Variants in ANKH observed in about 807,000 individuals in gnomAD.
The protein encoded by ANKH is mineralization regulator ANKH.
In ANKH, 15 loss-of-function variants were observed where a neutral mutation model predicts 49.0. The ratio of observed to expected loss-of-function variants is 0.31; its 90% CI spans 0.20 to 0.47. The LOEUF (loss-of-function observed/expected upper bound fraction) is 0.47. Ranked by LOEUF, ANKH falls within the 20% of genes least tolerant of loss-of-function variation. The pLI, the probability that ANKH is intolerant of heterozygous loss-of-function variation, is 1.00. For missense variants in ANKH, 429 were observed against 652.0 expected, an observed-to-expected ratio of 0.66 and a Z score of 3.72; for synonymous variants, 273 against 260.0, an observed-to-expected ratio of 1.05 and a Z score of -0.48.
Position 14,712,865 on chromosome 5 carries a change from C to T in ANKH, c.1365+9G>A, listed in dbSNP as rs771866688. ...ACCCGGGAGGAGGCTCCCGGCGCGG[C>T]TGTCTCACCTGCTTCCGGTAGACAT... On this transcript the variant is annotated intron_variant, in intron 11 of 11. Transcript: ENST00000284268. 1.9e-5 allele frequency: 31 copies of T among 1,601,206 alleles called. No individual in the cohort carries two copies. The highest frequency in any genetic ancestry group is 2.6e-5 in the Non-Finnish European group (30 of 1,174,478).
chr5:14,825,629 A>G (rs1741317179), intron 1 of ANKH, among the ~76,000 whole-genome samples: 2 of 152,170 alleles, frequency 1.3e-5, no homozygotes, highest in Non-Finnish European at 2.9e-5. Context: ...CTGGGATTTA[A>G]GATGTGAGCC....
rs200023808 is a variant in ANKH, at chr5:14,771,946, AAC to A, written c.97-2757_97-2756del. Among the ~76,000 whole-genome samples the A allele has an allele frequency of 1.5e-3, 195 of 127,884 alleles. 5 individuals are homozygous for A. The highest frequency in any genetic ancestry group is 3.4e-3 in the African/African-American group (133 of 38,654). The allele number at this position is 127,884 out of a possible 152,430, so 83.9% of individuals were successfully genotyped here. On this transcript the variant is annotated intron_variant, in intron 1 of 11. Transcript: ENST00000284268. ...GAAAAAAAAAAAAAAAAAAAAAAAA[AAC>A]CAAAACAAAACAAAACAAAAAACCG...
rs769138937 is a variant in ANKH at position 14,739,365 on chromosome 5, C to T, written c.1011+2462G>A. On this transcript the variant is annotated intron_variant, in intron 8 of 11. Coordinates refer to ENST00000284268, the MANE Select transcript of ANKH (RefSeq NM_054027.6). ...CTGGGAAGCAGAGGTTGCAGTGAGC[C>T]GAGATCATGCGCCTGCACTCCAGCC... Among the ~76,000 whole-genome samples, 5 of 151,926 alleles carry T rather than the reference C, an allele frequency of 3.3e-5. No homozygotes were observed. In the East Asian group the frequency reaches 5.8e-4, roughly 18 times the overall value.
intron 8 of ANKH, among the ~76,000 whole-genome samples, chr5:14,733,826 G>A (rs1738081655): frequency 6.6e-6 from 1 of 152,238 alleles, no homozygotes; most frequent in Non-Finnish European, 1.5e-5. Context: ...AAGCCAAGAG[G>A]CCAGAGGCGC....
At chr5:14,854,133 T>C (rs1192142386) in intron 1 of ANKH, among the ~76,000 whole-genome samples, 1 of 152,220 alleles carries the variant, frequency 6.6e-6, no homozygotes, top group Non-Finnish European at 1.5e-5. Context: ...TAATAGAACA[T>C]TTTTATATTT....
chr5:14,798,196 C>T, intron 1 of ANKH: 1 of 1,587,256 alleles, frequency 6.3e-7, no homozygotes, highest in Non-Finnish European at 8.7e-7. Context: ...GTGTGTGTCC[C>T]CAGGACAAGT....
chr5:14,777,847 A>C (rs1015541597), intron 1 of ANKH, among the ~76,000 whole-genome samples: 1 of 152,328 alleles, frequency 6.6e-6, no homozygotes, highest in East Asian at 1.9e-4. Flanking sequence ...GGTTCAGTAC[A>C]TAAGTTGGGC....
Position 14,741,932 on chromosome 5 carries a change from G to A in ANKH, c.916-10C>T. ...TGTTGCTGGGGTTATTCTGGGGAAA[G>A]AAAACCACAGTCATGAATGGGCCCG... is the stretch of plus-strand genomic sequence containing the variant. On this transcript the variant is annotated splice_polypyrimidine_tract_variant and intron_variant, in intron 7 of 11. Transcript: ENST00000284268. 6.2e-7 allele frequency: 1 copy of A among 1,611,352 alleles called. No homozygotes were observed. The highest frequency in any genetic ancestry group is 1.3e-5 in the African/African-American group (1 of 74,986).
intron 11 of ANKH, 104 bp downstream of exon 11, chr5:14,712,770 C>A (rs1737274971): frequency 4.4e-6 from 5 of 1,131,956 alleles, no homozygotes; most frequent in Non-Finnish European, 6.5e-6. Flanking sequence ...ACCAAGGATC[C>A]CCCACTGACG....
intron 1 of ANKH, among the ~76,000 whole-genome samples, chr5:14,773,674 C>G (rs1171968686): frequency 1.3e-5 from 2 of 152,084 alleles, no homozygotes; most frequent in Non-Finnish European, 2.9e-5. Context: ...CTAAAATAAC[C>G]CAACTGATTT....
At chr5:14,832,823 G>C (rs1283869791) in intron 1 of ANKH, among the ~76,000 whole-genome samples, 3 of 152,130 alleles carry the variant, frequency 2.0e-5, no homozygotes, top group Admixed American at 2.0e-4. Flanking sequence ...CACTGTGAGA[G>C]CAATGAAACA....
intron 1 of ANKH, among the ~76,000 whole-genome samples, chr5:14,774,084 A>G (rs1263282148): frequency 6.6e-6 from 1 of 152,234 alleles, no homozygotes; most frequent in Non-Finnish European, 1.5e-5. Flanking sequence ...AGCTACATTC[A>G]TATTACTAGC....
intron 1 of ANKH, among the ~76,000 whole-genome samples, chr5:14,790,985 C>T (rs10056355): frequency 2.0e-5 from 3 of 152,202 alleles, no homozygotes; most frequent in African/African-American, 7.2e-5. Flanking sequence ...AGTTCTCTCA[C>T]TTCATTAATC....
At chr5:14,836,674 G>A (rs1741663240) in intron 1 of ANKH, among the ~76,000 whole-genome samples, 1 of 152,114 alleles carries the variant, frequency 6.6e-6, no homozygotes, top group African/African-American at 2.4e-5. Flanking sequence ...AATCAATATT[G>A]TGAAAATGGC....
intron 3 of ANKH, among the ~76,000 whole-genome samples, chr5:14,757,689 C>T (rs1460200299): frequency 2.0e-5 from 3 of 152,002 alleles, no homozygotes; most frequent in Admixed American, 6.5e-5. Flanking sequence ...TCCTTTGATC[C>T]TGAGTATATC....
chr5:14,826,887 G>A (rs916215575), intron 1 of ANKH, among the ~76,000 whole-genome samples: 4 of 152,046 alleles, frequency 2.6e-5, no homozygotes, highest in Admixed American at 2.6e-4. Context: ...CGTTTCCCAC[G>A]TCCCTCTGCA....
In ANKH at chr5:14,824,145, G is replaced by A. The variant is rs144718970; in HGVS notation, c.96+47207C>T. On this transcript the variant is annotated intron_variant, in intron 1 of 11. Coordinates refer to ENST00000284268, the MANE Select transcript of ANKH (RefSeq NM_054027.6). ...AGGCTGAAACAATCTGTTCCCAGCA[G>A]GGCCATCCTTCCTTGAAAGAAGGAA... Among the ~76,000 whole-genome samples the A allele has an allele frequency of 2.6e-5, 4 of 152,032 alleles. No homozygotes were observed. In the East Asian group the frequency reaches 5.8e-4, roughly 22 times the overall value.
intron 5 of ANKH, among the ~76,000 whole-genome samples, chr5:14,750,358 C>A (rs1258402440): frequency 6.6e-6 from 1 of 152,216 alleles, no homozygotes; most frequent in Non-Finnish European, 1.5e-5. Flanking sequence ...CTCATTCCTA[C>A]TTGTTTCTTA....
chr5:14,705,618 CAGTTCCCTGATCAGT>C lies in ANKH; in HGVS notation c.*5564_*5578del, dbSNP rs1171318168. ...ACTCCTTGGCCCTACTAGCTTTAGACAGTTCCCTGATCAGTACATCATTAAGCAACCAAAATATCT... is the reference window on the plus strand; with the variant it reads ...ACTCCTTGGCCCTACTAGCTTTAGACACATCATTAAGCAACCAAAATATCT... On this transcript the variant is annotated 3_prime_UTR_variant, in exon 12 of 12. Transcript: ENST00000284268. 2.0e-5 allele frequency: 3 copies of C among 152,470 alleles called. No homozygotes were observed. Among genetic ancestry groups the C allele is most frequent in the Non-Finnish European group, 4.4e-5 (3 of 68,042 alleles). The allele number at this position is 152,470 out of a possible 1,614,324, so 9.4% of individuals were successfully genotyped here. A position where few individuals can be genotyped will look rare whatever the true frequency, so the allele number is the denominator to read the frequency against.
Sources: allele counts gnomAD v4.1 joint callset (sites outside exome capture counted in the v4.1 genomes callset), GRCh38; gene constraint gnomAD v4.1.1; transcripts MANE v1.5; gene names NCBI Gene and HGNC (gene_info 2026-07-23, HGNC 2026-07-21).